PIK3R6: variants seen among roughly 807,000 people sequenced by gnomAD.
PIK3R6 encodes the protein phosphoinositide 3-kinase regulatory subunit 6.
Under a neutral mutation model 84.9 loss-of-function variants are expected in PIK3R6, and 91 were observed. The observed-to-expected ratio is 1.07, with a 90% CI of 0.90 to 1.28. The LOEUF (loss-of-function observed/expected upper bound fraction) is 1.28, where lower values mean the gene tolerates loss of function less well. PIK3R6 is among the 50% of genes most tolerant of loss of function. The pLI, the probability that PIK3R6 is intolerant of heterozygous loss-of-function variation, is 0.00. For missense variants in PIK3R6, 996 were observed against 985.1 expected, an observed-to-expected ratio of 1.01 and a Z score of -0.15; for synonymous variants, 416 against 411.4, an observed-to-expected ratio of 1.01 and a Z score of -0.13.
intron 18 of PIK3R6, 109 bp from the exon 19 acceptor site, chr17:8,804,262 TC>T: frequency 2.4e-6 from 2 of 820,172 alleles, no homozygotes; most frequent in Non-Finnish European, 4.1e-6. Context: ...GCACATGGGG[TC>T]CCCAGCTCTC....
chr17:8,828,497 A>C (rs997056857), intron 11 of PIK3R6, 70 bp downstream of exon 11: 114 of 1,547,260 alleles, frequency 7.4e-5, no homozygotes, highest in Non-Finnish European at 9.5e-5. Flanking sequence ...GTGATCCTTC[A>C]CCAGCCCACG....
At chr17:8,840,079 A>C (rs28407649) in intron 2 of PIK3R6, among the ~76,000 whole-genome samples, 1 of 151,378 alleles carries the variant, frequency 6.6e-6, no homozygotes, top group African/African-American at 2.4e-5. Context: ...TATATATGAA[A>C]TATATATATC....
intron 18 of PIK3R6, among the ~76,000 whole-genome samples, chr17:8,810,344 G>A (rs2087324191): frequency 6.8e-6 from 1 of 147,820 alleles, no homozygotes; most frequent in African/African-American, 2.5e-5. Flanking sequence ...CAACATGTGG[G>A]AATGCAAGAT....
chr17:8,819,925 A>T (rs1324732234), intron 17 of PIK3R6, among the ~76,000 whole-genome samples: 1 of 119,882 alleles, frequency 8.3e-6, no homozygotes, highest in African/African-American at 4.1e-5. Flanking sequence ...TATATTTTAT[A>T]TATATATATA....
rs1219035333 is a variant in PIK3R6 at position 8,832,889 on chromosome 17, C to T, written c.802G>A (p.Gly268Ser). 1.9e-6 allele frequency: 3 copies of T among 1,612,464 alleles called. No homozygotes were observed. The highest frequency in any genetic ancestry group is 1.7e-5 in the Admixed American group (1 of 59,996). ...LLGPAAGRCG[G>S]DLVQERPPSI... ...GGCCCCCCATCTGCCAGTCGCTTAC[C>T]ACCGCAGCGCCCCGCCGCGGGACCC... The change falls in exon 9 of 20, where the codon GGT (glycine) becomes AGT (serine). Residue 268 changes from glycine (G) to serine (S), a missense_variant and splice_region_variant. Transcript: ENST00000619866.
rs1184349043 is a variant in PIK3R6, at chr17:8,840,141, ATAG to A, written c.14-447_14-445del. ...GCCTCCAAATATATATGAAATATAT[ATAG>A]CCTCCAAATATATATATGAAATATA... is the stretch of plus-strand genomic sequence containing the variant. On this transcript the variant is annotated intron_variant, in intron 2 of 19. Transcript: ENST00000619866. Among the ~76,000 whole-genome samples the A allele has an allele frequency of 1.8e-3, 224 of 125,174 alleles. 5 individuals carry two copies. Among genetic ancestry groups the A allele is most frequent in the African/African-American group, 6.5e-3 (212 of 32,516 alleles). The allele number at this position is 125,174 out of a possible 152,430, so 82.1% of individuals were successfully genotyped here.
chr17:8,856,956 C>T (rs1011609837), intron 1 of PIK3R6, among the ~76,000 whole-genome samples: 6 of 150,646 alleles, frequency 4.0e-5, no homozygotes. Context: ...GTGGGTTTAA[C>T]GTAACCTTTG....
intron 1 of PIK3R6, among the ~76,000 whole-genome samples, chr17:8,858,755 T>A (rs1378981007): frequency 1.3e-5 from 2 of 152,206 alleles, no homozygotes; most frequent in Non-Finnish European, 2.9e-5. Flanking sequence ...CATGTATGAT[T>A]CCTCATTTCA....
chr17:8,833,972 C>T (rs1203060606), intron 8 of PIK3R6, among the ~76,000 whole-genome samples: 2 of 151,016 alleles, frequency 1.3e-5, no homozygotes, highest in Non-Finnish European at 3.0e-5. Flanking sequence ...ATGGAGACCA[C>T]GGTGAAACCC....
intron 5 of PIK3R6, 37 bp downstream of exon 5, chr17:8,837,766 G>T (rs1190508992): frequency 6.4e-7 from 1 of 1,570,424 alleles, no homozygotes; most frequent in Non-Finnish European, 8.8e-7. Flanking sequence ...CCACATGCAG[G>T]TCACCACTAC....
chr17:8,858,537 G>A (rs1177003108), intron 1 of PIK3R6, among the ~76,000 whole-genome samples: 3 of 152,094 alleles, frequency 2.0e-5, no homozygotes, highest in South Asian at 4.2e-4. Flanking sequence ...GGCTGGTCTC[G>A]AACTCCTGAC....
chr17:8,804,705 G>C (rs764974854), intron 18 of PIK3R6, among the ~76,000 whole-genome samples: 2 of 152,118 alleles, frequency 1.3e-5, no homozygotes, highest in Non-Finnish European at 2.9e-5. Flanking sequence ...GCTCCAGAGA[G>C]GTCGCCTCCC....
At position 8,828,578 on chromosome 17, in the gene PIK3R6, G is replaced by C; in HGVS notation, c.1302C>G (p.Tyr434Ter). ...CGTCGGGGCCCCACCTGAGTCTGTG[G>C]TAGGCCTGGGCCAGGCGCCCCAGCA... ...DRMLGRLAQA[Y>*]HRLRKRETQK... Residue 434 changes from tyrosine (Y) to a stop codon, truncating the protein, a stop_gained, in exon 11 of 20, where the codon TAC becomes TAG. Coordinates refer to ENST00000619866, the MANE Select transcript of PIK3R6 (RefSeq NM_001010855.4). LOFTEE classifies it high-confidence loss of function. 2 of 1,612,550 alleles carry C rather than the reference G, an allele frequency of 1.2e-6. No individual in the cohort carries two copies. The highest frequency in any genetic ancestry group is 1.7e-6 in the Non-Finnish European group (2 of 1,179,564).
In PIK3R6 at chr17:8,867,536, C is replaced by T. The variant is rs762762514; in HGVS notation, c.-99G>A. 9 of 485,714 alleles carry T rather than the reference C, an allele frequency of 1.9e-5. No homozygotes were observed. Among genetic ancestry groups the T allele is most frequent in the Non-Finnish European group, 2.9e-5 (7 of 240,378 alleles). 30.1% of individuals were successfully genotyped at this position (485,714 alleles called of 1,614,324 possible). A position where few individuals can be genotyped will look rare whatever the true frequency, so the allele number is the denominator to read the frequency against. On this transcript the variant is annotated 5_prime_UTR_variant, in exon 1 of 20. Coordinates refer to ENST00000619866, the MANE Select transcript of PIK3R6 (RefSeq NM_001010855.4). ...ATCCAAGCCAGCACTTACCTTGGTT[C>T]GGTGGCAGCTTCTGGGCTCCCCAAG...
At chr17:8,816,343 A>G (rs1204865255) in intron 18 of PIK3R6, among the ~76,000 whole-genome samples, 1 of 152,218 alleles carries the variant, frequency 6.6e-6, no homozygotes, top group Non-Finnish European at 1.5e-5. Flanking sequence ...ATGTGATAAG[A>G]GAGCATTGTC....
At chr17:8,834,730 AG>A (rs1346219636) in intron 8 of PIK3R6, among the ~76,000 whole-genome samples, 1 of 152,122 alleles carries the variant, frequency 6.6e-6, no homozygotes, top group Admixed American at 6.5e-5. Flanking sequence ...TTTGACTCCG[AG>A]TGAGATGATG....
intron 1 of PIK3R6, among the ~76,000 whole-genome samples, chr17:8,861,188 AAAAAAAAAAAAG>A (rs2089273766): frequency 6.6e-6 from 1 of 151,794 alleles, no homozygotes; most frequent in African/African-American, 2.4e-5. Flanking sequence ...TCTCAAAAAA[AAAAAAAAAAAAG>A]AAAGAAAGAA....
At position 8,839,796 on chromosome 17, in the gene PIK3R6, C is replaced by G; in HGVS notation, c.14-99G>C. On this transcript the variant is annotated intron_variant, in intron 2 of 19. Coordinates refer to ENST00000619866, the MANE Select transcript of PIK3R6 (RefSeq NM_001010855.4). The surrounding 1 kb of genome is among the most constrained non-coding windows in gnomAD (Gnocchi z 4.2). ...GAGTGTCTTTAGCCATTTCTCTGAG[C>G]CTCAGGAGGTGCCCGAAGTAATCGA... 9.3e-7 allele frequency: 1 copy of G among 1,071,574 alleles called. No individual in the cohort carries two copies. The highest frequency in any genetic ancestry group is 1.3e-6 in the Non-Finnish European group (1 of 749,600). 66.4% of individuals were successfully genotyped at this position (1,071,574 alleles called of 1,614,324 possible).
intron 1 of PIK3R6, among the ~76,000 whole-genome samples, chr17:8,855,486 G>A (rs1301362120): frequency 6.6e-6 from 1 of 152,158 alleles, no homozygotes; most frequent in African/African-American, 2.4e-5. Flanking sequence ...AGCAGTTTGG[G>A]AAAGGCAGAT....
Sources: gnomAD v4.1 joint callset for allele counts (sites outside exome capture counted in the v4.1 genomes callset) on GRCh38, gnomAD v4.1.1 for gene constraint, Gnocchi (gnomAD v3.1) non-coding constraint, MANE v1.5 for transcripts, NCBI Gene and HGNC (gene_info 2026-07-23, HGNC 2026-07-21) for gene names.